XYLB: variants seen among roughly 807,000 people sequenced by gnomAD.
XYLB encodes xylulokinase, also known as xylulose kinase.
Under a neutral mutation model 78.7 loss-of-function variants are expected in XYLB, and 62 were observed. The observed-to-expected ratio is 0.79, with a 90% confidence interval of 0.64 to 0.97. The LOEUF is 0.97. Among genes scored for constraint, XYLB ranks in the 50% least tolerant of loss-of-function variants. The pLI is 0.00. For missense variants in XYLB, 687 were observed against 676.8 expected (o/e 1.02, Z -0.17); for synonymous variants, 245 against 247.4 (o/e 0.99, Z 0.09).
intron 3 of XYLB, 111 bp downstream of exon 3, chr3:38,360,519 C>A (rs1705911211): frequency 3.4e-6 from 3 of 876,752 alleles, no homozygotes; most frequent in Non-Finnish European, 5.3e-6. Context: ...TCTGTTGTCA[C>A]CAGGTCCTCA....
intron 18 of XYLB, among the ~76,000 whole-genome samples, chr3:38,403,774 A>T (rs1240145707): frequency 6.6e-6 from 1 of 152,128 alleles, no homozygotes; most frequent in Non-Finnish European, 1.5e-5. Flanking sequence ...CGTCTGCCTC[A>T]TCTAGAGTAC....
In XYLB at chr3:38,372,682, C is replaced by T. The variant is rs374365370; in HGVS notation, c.793C>T (p.Arg265Cys). Residue 265 changes from arginine to cysteine, a missense_variant, in exon 10 of 19, where the codon CGC (arginine) becomes TGC (cysteine). Physicochemically the swap from Arg to Cys is radical, Grantham distance 180. Transcript: ENST00000207870. ...AGCCATTTCTTCCTACTACGTCCAG[C>T]GCTACGGATTTCCTCCAGGATGCAA... ...VGAISSYYVQ[R>C]YGFPPGCKVV... 2.3e-5 allele frequency: 37 copies of T among 1,614,158 alleles called. No homozygotes were observed. Among genetic ancestry groups the T allele is most frequent in the South Asian group, 1.8e-4 (16 of 91,084 alleles).
At chr3:38,404,300 AG>A (rs1256945567) in intron 18 of XYLB, among the ~76,000 whole-genome samples, 2 of 152,230 alleles carry the variant, frequency 1.3e-5, no homozygotes, top group Non-Finnish European at 2.9e-5. Flanking sequence ...CATAATTCAC[AG>A]GGTAGAACCA....
chr3:38,448,787 T>C, the XYLB span, among the ~76,000 whole-genome samples: 1 of 152,308 alleles, frequency 6.6e-6, no homozygotes, highest in Non-Finnish European at 1.5e-5. Flanking sequence ...AGCTCCACTA[T>C]GGAGTGACTC....
At chr3:38,355,888 C>G in intron 2 of XYLB, 3 of 670,636 alleles carry the variant, frequency 4.5e-6, no homozygotes, top group Non-Finnish European at 5.4e-6. Flanking sequence ...GAAACTTCAG[C>G]TGTATCAAGC....
At chr3:38,381,510 G>A (rs1379684406) in intron 15 of XYLB, among the ~76,000 whole-genome samples, 1 of 152,246 alleles carries the variant, frequency 6.6e-6, no homozygotes, top group East Asian at 1.9e-4. Flanking sequence ...CTGCTGGTGA[G>A]CTGGGCAGAA....
chr3:38,438,592 T>C, the XYLB span, among the ~76,000 whole-genome samples: 1 of 152,234 alleles, frequency 6.6e-6, no homozygotes, highest in Non-Finnish European at 1.5e-5. Context: ...TTGGTCTTGC[T>C]GACTTTAAGA....
downstream of XYLB, among the ~76,000 whole-genome samples, chr3:38,422,245 C>T (rs1709001654): frequency 6.6e-6 from 1 of 152,082 alleles, no homozygotes; most frequent in African/African-American, 2.4e-5. Flanking sequence ...ATTCAGATTA[C>T]AGTGGGGAAA....
At chr3:38,382,798 C>A (rs912657437) in intron 15 of XYLB, among the ~76,000 whole-genome samples, 3 of 152,204 alleles carry the variant, frequency 2.0e-5, no homozygotes, top group Non-Finnish European at 4.4e-5. Flanking sequence ...GGGATTGTGG[C>A]ATTATTCCCA....
chr3:38,413,735 C>T lies in XYLB; in HGVS notation c.*722C>T, dbSNP rs1450869444. On this transcript the variant is annotated 3_prime_UTR_variant, in exon 19 of 19. Transcript: ENST00000207870. ...ACAATGGGCCTGGTGGACGTGCTTC[C>T]TGTGCCCTCCCTTTAGCTATGCCCA... is the stretch of plus-strand genomic sequence containing the variant. The T allele has an allele frequency of 1.3e-5, 2 of 152,218 alleles. No individual in the cohort carries two copies. The highest frequency in any genetic ancestry group is 2.1e-4 in the South Asian group (1 of 4,828). The allele number at this position is 152,218 out of a possible 1,614,324, so 9.4% of individuals were successfully genotyped here. A position where few individuals can be genotyped will look rare whatever the true frequency, so the allele number is the denominator to read the frequency against.
At position 38,348,584 on chromosome 3, in the gene XYLB, T is replaced by C; in HGVS notation, c.92T>C (p.Val31Ala). Residue 31 changes from valine (V) to alanine (A), a missense_variant, in exon 2 of 19, where the codon GTC (valine) becomes GCC (alanine). Transcript: ENST00000207870. ...KVVAVDAELN[V>A]FYEESVHFDR... Reference sequence around the variant, plus strand: ...GTTGCTGTTGATGCAGAGTTGAATGTCTTCTATGAGGAAAGTGTGCATTTT... The same window carrying C: ...GTTGCTGTTGATGCAGAGTTGAATGCCTTCTATGAGGAAAGTGTGCATTTT... The C allele has an allele frequency of 6.2e-7, 1 of 1,614,214 alleles. No individual in the cohort carries two copies. The highest frequency in any genetic ancestry group is 8.5e-7 in the Non-Finnish European group (1 of 1,180,036).
the XYLB span, among the ~76,000 whole-genome samples, chr3:38,449,356 C>T: frequency 7.9e-5 from 12 of 152,068 alleles, no homozygotes; most frequent in African/African-American, 2.4e-4. Context: ...CTCTTGACCT[C>T]GTGATCCACC....
chr3:38,448,278 G>A, the XYLB span, among the ~76,000 whole-genome samples: 1 of 152,064 alleles, frequency 6.6e-6, no homozygotes, highest in Non-Finnish European at 1.5e-5. Context: ...GGGTTAAAGG[G>A]TACAAACATA....
intron 17 of XYLB, 66 bp from the exon 18 acceptor site, chr3:38,400,825 G>A (rs1462089630): frequency 1.3e-5 from 18 of 1,363,672 alleles, no homozygotes; most frequent in African/African-American, 4.3e-5. Flanking sequence ...GAGATCCTTC[G>A]TGGTGTTTTT....
the XYLB span, among the ~76,000 whole-genome samples, chr3:38,429,863 A>G: frequency 9.9e-5 from 15 of 152,116 alleles, no homozygotes; most frequent in Non-Finnish European, 1.9e-4. Flanking sequence ...AGCTTCATCC[A>G]TGTCCCTGCA....
chr3:38,350,852 T>A (rs1294415644), intron 2 of XYLB, among the ~76,000 whole-genome samples: 1 of 152,022 alleles, frequency 6.6e-6, no homozygotes, highest in African/African-American at 2.4e-5. Context: ...TTTAGAAGAA[T>A]GTTTTTAGGC....
the XYLB span, chr3:38,452,795 C>T: frequency 6.6e-6 from 1 of 152,238 alleles, no homozygotes; most frequent in African/African-American, 2.4e-5. Flanking sequence ...AGATGCAAAA[C>T]CCTGAGGGAG....
At chr3:38,447,470 ATTTTTTTTTT>A in the XYLB span, among the ~76,000 whole-genome samples, 3 of 124,932 alleles carry the variant, frequency 2.4e-5, no homozygotes, top group Admixed American at 8.1e-5. Context: ...CATCTGGCTA[ATTTTTTTTTT>A]TTTTTTTTTT....
intron 15 of XYLB, among the ~76,000 whole-genome samples, chr3:38,391,608 GACCT>G (rs1384085598): frequency 6.6e-6 from 1 of 150,750 alleles, no homozygotes; most frequent in Admixed American, 6.7e-5. Flanking sequence ...CATTTGCTAT[GACCT>G]GACTGTGTCT....
Sources: allele counts gnomAD v4.1 joint callset (sites outside exome capture counted in the v4.1 genomes callset), GRCh38; gene constraint gnomAD v4.1.1; transcripts MANE v1.5; gene names NCBI Gene and HGNC (gene_info 2026-07-23, HGNC 2026-07-21).